PACRG: variants seen among roughly 807,000 people sequenced by gnomAD.
PACRG encodes the protein parkin coregulated gene protein.
PACRG carries 29 observed loss-of-function variants against 29.7 expected under a neutral mutation model. The ratio of observed to expected loss-of-function variants is 0.98; its 90% CI spans 0.73 to 1.33. The LOEUF is 1.33. PACRG is among the 40% of genes most tolerant of loss of function. The pLI is 0.00. For synonymous variants in PACRG, 116 were observed against 118.7 expected (o/e 0.98, Z 0.15); for missense variants, 279 against 316.2 (o/e 0.88, Z 0.89).
At chr6:162,751,033 C>T (rs1781473335) in intron 1 of PACRG, among the ~76,000 whole-genome samples, 1 of 152,126 alleles carries the variant, frequency 6.6e-6, no homozygotes, top group South Asian at 2.1e-4. Flanking sequence ...TACAAATGCA[C>T]TTAATTCAAT....
At chr6:162,783,421 C>T (rs1157525727) in intron 1 of PACRG, among the ~76,000 whole-genome samples, 1 of 151,850 alleles carries the variant, frequency 6.6e-6, no homozygotes, top group Non-Finnish European at 1.5e-5. Context: ...TCTCTTCCTC[C>T]TTTCTTTCTC....
intron 2 of PACRG, among the ~76,000 whole-genome samples, chr6:163,049,357 A>G (rs1809744735): frequency 6.6e-6 from 1 of 152,124 alleles, no homozygotes; most frequent in South Asian, 2.1e-4. Flanking sequence ...TAGACTAGTG[A>G]TTTAAATGTA....
intron 4 of PACRG, among the ~76,000 whole-genome samples, chr6:163,180,681 A>C (rs1046887560): frequency 6.6e-6 from 1 of 151,286 alleles, no homozygotes; most frequent in African/African-American, 2.4e-5. Flanking sequence ...GTATGGTTAC[A>C]AAAAAAAAGC....
At chr6:162,960,010 C>T (rs1210374515) in intron 2 of PACRG, among the ~76,000 whole-genome samples, 1 of 152,208 alleles carries the variant, frequency 6.6e-6, no homozygotes, top group Admixed American at 6.5e-5. Flanking sequence ...GAAAAATGCT[C>T]ATCATCACTA....
At chr6:163,282,274 CA>C (rs1784249145) in intron 4 of PACRG, among the ~76,000 whole-genome samples, 1 of 152,164 alleles carries the variant, frequency 6.6e-6, no homozygotes, top group African/African-American at 2.4e-5. Context: ...AAGTAATTAG[CA>C]GGTCAAATCT....
chr6:163,150,301 A>T (rs1778027459), intron 4 of PACRG, among the ~76,000 whole-genome samples: 1 of 152,104 alleles, frequency 6.6e-6, no homozygotes, highest in Admixed American at 6.5e-5. Context: ...CCGGAGCTAA[A>T]CAAGGCTAGG....
chr6:163,005,166 A>G (rs1804950933), intron 2 of PACRG, among the ~76,000 whole-genome samples: 1 of 151,982 alleles, frequency 6.6e-6, no homozygotes, highest in Non-Finnish European at 1.5e-5. Context: ...CATTCCTCTA[A>G]GTGGTAATTT....
At chr6:163,166,108 G>T (rs1276821503) in intron 4 of PACRG, 5 of 456,160 alleles carry the variant, frequency 1.1e-5, no homozygotes, top group Non-Finnish European at 2.2e-5. Context: ...TTCCTCGGCT[G>T]CAGGGCTTGG....
At chr6:162,889,784 T>C (rs1031941473) in intron 2 of PACRG, among the ~76,000 whole-genome samples, 1 of 152,252 alleles carries the variant, frequency 6.6e-6, no homozygotes, top group African/African-American at 2.4e-5. Context: ...CCAAGACTCT[T>C]CGATATGCAC....
intron 3 of PACRG, among the ~76,000 whole-genome samples, chr6:163,074,846 C>T (rs1812396741): frequency 6.6e-6 from 1 of 151,926 alleles, no homozygotes; most frequent in African/African-American, 2.4e-5. Flanking sequence ...AATTAATTAG[C>T]CAGATGTGGT....
intron 2 of PACRG, among the ~76,000 whole-genome samples, chr6:162,995,511 C>T (rs1269553621): frequency 4.6e-5 from 7 of 152,168 alleles, no homozygotes; most frequent in Admixed American, 6.5e-5. Flanking sequence ...TTTCCAGGTG[C>T]GTCCGTCACC....
chr6:163,209,056 A>T (rs1019560960), intron 4 of PACRG, among the ~76,000 whole-genome samples: 15 of 152,202 alleles, frequency 9.9e-5, no homozygotes, highest in African/African-American at 3.6e-4. Context: ...ATAGGCTGGC[A>T]CTCACATTCA....
intron 2 of PACRG, among the ~76,000 whole-genome samples, chr6:162,847,146 C>T (rs1335917702): frequency 2.6e-5 from 4 of 152,034 alleles, no homozygotes; most frequent in African/African-American, 9.6e-5. Flanking sequence ...CCCACACTGA[C>T]TCCAGAGCTT....
Position 163,058,622 on chromosome 6 carries a change from C to T in PACRG, c.292-3528C>T, listed in dbSNP as rs543011990. Among the ~76,000 whole-genome samples, 14 of 152,168 alleles carry T rather than the reference C, an allele frequency of 9.2e-5. No individual in the cohort carries two copies. The East Asian group carries it at 1.6e-3, about 17-fold the overall frequency. On this transcript the variant is annotated intron_variant, in intron 2 of 4. Coordinates refer to ENST00000366888, the MANE Select transcript of PACRG (RefSeq NM_001080379.2). ...AAAAAAATACGAAATTAAGGCCAGG[C>T]GCTGTGGCTCACGCCTGTAATCCCA...
intron 1 of PACRG, among the ~76,000 whole-genome samples, chr6:162,791,055 C>G (rs1045594977): frequency 6.6e-6 from 1 of 152,138 alleles, no homozygotes; most frequent in African/African-American, 2.4e-5. Context: ...AGTTGTGTCT[C>G]CTAGAATGTA....
chr6:162,910,810 C>T (rs1796249679), intron 2 of PACRG, among the ~76,000 whole-genome samples: 1 of 152,134 alleles, frequency 6.6e-6, no homozygotes, highest in South Asian at 2.1e-4. Flanking sequence ...AGTTCATTGC[C>T]CATAATTTTC....
chr6:163,240,669 G>C (rs1179528907), intron 4 of PACRG, among the ~76,000 whole-genome samples: 7 of 152,116 alleles, frequency 4.6e-5, no homozygotes, highest in Non-Finnish European at 1.0e-4. Flanking sequence ...GGGCACATAC[G>C]CGGTGGGGCC....
chr6:162,771,909 T>C (rs1185688555), intron 1 of PACRG, among the ~76,000 whole-genome samples: 1 of 152,132 alleles, frequency 6.6e-6, no homozygotes, highest in Non-Finnish European at 1.5e-5. Flanking sequence ...AGTAGGGAGA[T>C]GTGACGGCTG....
At chr6:163,119,057 G>A (rs561563237) in intron 4 of PACRG, among the ~76,000 whole-genome samples, 1 of 152,296 alleles carries the variant, frequency 6.6e-6, no homozygotes, top group African/African-American at 2.4e-5. Context: ...AGCCTTCAAG[G>A]GGCTCTTTCA....
Sources: gnomAD v4.1 joint callset for allele counts (sites outside exome capture counted in the v4.1 genomes callset) on GRCh38, gnomAD v4.1.1 for gene constraint, MANE v1.5 for transcripts, NCBI Gene and HGNC (gene_info 2026-07-23, HGNC 2026-07-21) for gene names.